MTCL1: variants seen among roughly 807,000 people sequenced by gnomAD.
MTCL1 encodes microtubule cross-linking factor 1.
Under a neutral mutation model 141.4 loss-of-function variants are expected in MTCL1, and 79 were observed. That is an observed-to-expected ratio of 0.56 (90% CI 0.47 to 0.67). The LOEUF (loss-of-function observed/expected upper bound fraction) is 0.67, where lower values mean the gene tolerates loss of function less well. MTCL1 is among the 30% of genes least tolerant of loss of function. MTCL1 has a pLI of 0.00. For missense variants in MTCL1, 2,177 were observed against 2,113.9 expected, an observed-to-expected ratio of 1.03 and a Z score of -0.59; for synonymous variants, 914 against 875.8, an observed-to-expected ratio of 1.04 and a Z score of -0.77.
chr18:8,761,826 C>T (rs1020819438), intron 4 of MTCL1, among the ~76,000 whole-genome samples: 1 of 152,174 alleles, frequency 6.6e-6, no homozygotes, highest in Non-Finnish European at 1.5e-5. Flanking sequence ...AAGACCTGCC[C>T]CCATGATTCA....
At chr18:8,771,256 T>C (rs1009218194) in intron 4 of MTCL1, among the ~76,000 whole-genome samples, 2 of 152,216 alleles carry the variant, frequency 1.3e-5, no homozygotes, top group African/African-American at 4.8e-5. Flanking sequence ...CCCAAAGTGC[T>C]GGGATTACAG....
intron 12 of MTCL1, among the ~76,000 whole-genome samples, chr18:8,814,235 G>T (rs2076579081): frequency 6.6e-6 from 1 of 152,118 alleles, no homozygotes; most frequent in Non-Finnish European, 1.5e-5. Flanking sequence ...TGGTAAGAAA[G>T]ACCAAGAGGC....
rs199867297 is a variant in MTCL1, at chr18:8,784,284, C to T, written c.1172C>T (p.Ala391Val). 165 of 1,589,826 alleles carry T rather than the reference C, an allele frequency of 1.0e-4. 1 individual carries two copies. In the East Asian group the frequency reaches 1.7e-3, roughly 16 times the overall value. ...CGGGACAGCGATGCCGAGAGTGATG[C>T]GGGCAAGAAGGAGAGTGATGGGGAG... is the stretch of plus-strand genomic sequence containing the variant. The change falls in exon 6 of 17, where the codon GCG becomes GTG. Residue 391 changes from alanine (A) to valine (V), a missense_variant. By Grantham distance (64) the Ala-to-Val change is moderately conservative. Coordinates refer to ENST00000359865, the Ensembl canonical transcript of MTCL1.
intron 14 of MTCL1, among the ~76,000 whole-genome samples, chr18:8,824,411 T>C (rs60926897): frequency 0.13 from 20,233 of 152,288 alleles, 1,423 homozygotes; most frequent in African/African-American, 0.15. Context: ...GTGATTCTCC[T>C]GTCTTGGCCT....
Position 8,762,252 on chromosome 18 carries a change from C to T in MTCL1, c.358-15581C>T, listed in dbSNP as rs528079031. 2.0e-5 allele frequency among the ~76,000 whole-genome samples: 3 copies of T among 152,360 alleles called. No individual in the cohort carries two copies. The South Asian group carries it at 6.2e-4, about 32-fold the overall frequency. ...TCAAGGACACCTCGCCGAATGGCAT[C>T]CTCTTGCTGTCATGAGGGCAGGCAC... On this transcript the variant is annotated intron_variant, in intron 4 of 16. Coordinates refer to ENST00000359865, the Ensembl canonical transcript of MTCL1.
chr18:8,709,189 C>T (rs185075796), intron 1 of MTCL1, among the ~76,000 whole-genome samples: 20 of 138,304 alleles, frequency 1.4e-4, no homozygotes, highest in Admixed American at 6.7e-4. Context: ...GTATTTTTTC[C>T]GTTTTTTGTG....
intron 4 of MTCL1, among the ~76,000 whole-genome samples, chr18:8,776,324 A>G (rs1439392461): frequency 1.3e-5 from 2 of 152,120 alleles, no homozygotes; most frequent in African/African-American, 2.4e-5. Flanking sequence ...AGAGGCTACA[A>G]ATCCCTTCAT....
chr18:8,815,039 T>A (rs1205351993), intron 12 of MTCL1, among the ~76,000 whole-genome samples: 1 of 152,108 alleles, frequency 6.6e-6, no homozygotes, highest in African/African-American at 2.4e-5. Flanking sequence ...GTAAACTAGT[T>A]CAACCATTGT....
At chr18:8,737,048 A>C (rs1015174300) in intron 4 of MTCL1, among the ~76,000 whole-genome samples, 4 of 152,190 alleles carry the variant, frequency 2.6e-5, no homozygotes, top group African/African-American at 9.7e-5. Context: ...ATTTGCTGCT[A>C]TGTCTGACTC....
intron 12 of MTCL1, among the ~76,000 whole-genome samples, chr18:8,814,590 T>G (rs1429258412): frequency 6.6e-6 from 1 of 152,218 alleles, no homozygotes; most frequent in Non-Finnish European, 1.5e-5. Flanking sequence ...GTGGCATATA[T>G]TCTTTGAAAA....
exon 15 of MTCL1, chr18:8,825,449 G>A (rs1488974826): frequency 5.0e-6 from 8 of 1,588,184 alleles, no homozygotes; most frequent in African/African-American, 4.0e-5. Flanking sequence ...AGACCAATGG[G>A]TCCCGGACGA....
At chr18:8,706,465 C>T (rs2096058684) in exon 1 of MTCL1, 3 of 1,260,342 alleles carry the variant, frequency 2.4e-6, no homozygotes, top group Non-Finnish European at 3.0e-6. Flanking sequence ...GCCCCCAGCG[C>T]TCCTCGCCGC....
intron 4 of MTCL1, 46 bp downstream of exon 3, chr18:8,720,542 A>T: frequency 6.4e-7 from 1 of 1,573,728 alleles, no homozygotes; most frequent in Non-Finnish European, 8.6e-7. Context: ...TTTAATAAGG[A>T]GGAGCTTGGA....
Position 8,783,978 on chromosome 18 carries a change from G to A in MTCL1, c.866G>A (p.Arg289Gln), listed in dbSNP as rs770388585. 56 of 1,613,674 alleles carry A rather than the reference G, an allele frequency of 3.5e-5. 1 individual carries two copies. Among genetic ancestry groups the A allele is most frequent in the African/African-American group, 1.1e-4 (8 of 74,940 alleles). Residue 289 changes from arginine to glutamine, a missense_variant, in exon 6 of 17, where the codon CGG becomes CAG. Physicochemically the swap from Arg to Gln is conservative, Grantham distance 43 (BLOSUM62 1). Transcript: ENST00000359865. ...GTAGAAGAGGAAGCGGAGTTGCTCCGGAGGTCCATCTCCGAGATCGAAGAC... is the reference window on the plus strand; with the variant it reads ...GTAGAAGAGGAAGCGGAGTTGCTCCAGAGGTCCATCTCCGAGATCGAAGAC...
exon 11 of MTCL1, chr18:8,806,932 T>C: frequency 6.2e-7 from 1 of 1,613,758 alleles, no homozygotes; most frequent in Non-Finnish European, 8.5e-7. Flanking sequence ...CTTCAAGGCC[T>C]TGCTGGAGGA....
chr18:8,796,513 C>T (rs1364597249), intron 9 of MTCL1, 51 bp downstream of exon 8: 1 of 1,560,288 alleles, frequency 6.4e-7, no homozygotes, highest in African/African-American at 1.4e-5. Flanking sequence ...GTCCTTGACC[C>T]CAGACACTGC....
intron 4 of MTCL1, among the ~76,000 whole-genome samples, chr18:8,769,650 C>T (rs537674490): frequency 9.2e-5 from 14 of 152,264 alleles, no homozygotes; most frequent in African/African-American, 3.4e-4. Context: ...GTGTCCATCC[C>T]AGGTGGCCTG....
intron 9 of MTCL1, 119 bp from the exon 9 acceptor site, chr18:8,797,978 T>G: frequency 1.8e-5 from 18 of 992,512 alleles, no homozygotes; most frequent in Non-Finnish European, 2.3e-5. Flanking sequence ...GGGTAAGGAC[T>G]GAGAAGTATA....
chr18:8,799,749 C>A (rs2076051362), intron 10 of MTCL1, among the ~76,000 whole-genome samples: 1 of 152,230 alleles, frequency 6.6e-6, no homozygotes, highest in African/African-American at 2.4e-5. Context: ...CACGCAGATG[C>A]TCTGGACAAG....
Sources: gnomAD v4.1 joint callset for allele counts (sites outside exome capture counted in the v4.1 genomes callset) on GRCh38, gnomAD v4.1.1 for gene constraint, MANE v1.5 for transcripts, NCBI Gene and HGNC (gene_info 2026-07-23, HGNC 2026-07-21) for gene names.